Variants in ACTR3C observed in about 807,000 individuals in gnomAD.
The protein encoded by ACTR3C is actin-related protein 3C.
A neutral mutation model predicts 26.3 loss-of-function variants in ACTR3C; 18 were observed. The ratio of observed to expected loss-of-function variants is 0.68; its 90% CI spans 0.47 to 1.01. The LOEUF is 1.01. ACTR3C is among the 50% of genes least tolerant of loss of function. The probability of loss-of-function intolerance (pLI) is 0.00; values close to 1 mark genes in which losing one functional copy is unlikely to be tolerated. For synonymous variants in ACTR3C, 55 were observed against 94.5 expected, an observed-to-expected ratio of 0.58 and a Z score of 2.42; for missense variants, 184 against 250.7, an observed-to-expected ratio of 0.73 and a Z score of 1.80.
the ACTR3C span, among the ~76,000 whole-genome samples, chr7:150,038,018 C>G: frequency 7.4e-6 from 1 of 136,034 alleles, no homozygotes; most frequent in African/African-American, 2.9e-5. Context: ...TCCCCCCCTG[C>G]TATGGTGGTC....
the ACTR3C span, among the ~76,000 whole-genome samples, chr7:149,938,954 T>TA: frequency 0.82 from 120,658 of 146,416 alleles, 50,289 homozygotes; most frequent in Non-Finnish European, 0.9. Context: ...TGTATATATA[T>TA]AAAAATATAT....
Position 150,249,697 on chromosome 7 carries a change from C to T in ACTR3C, c.565-643G>A, listed in dbSNP as rs564230687. ...CTCGAACTCCTGACCTCAGGTGATCCGCCTGCCTCGGCCTCCCATTGTGCT... is the reference window on the plus strand; with the variant it reads ...CTCGAACTCCTGACCTCAGGTGATCTGCCTGCCTCGGCCTCCCATTGTGCT... On this transcript the variant is annotated intron_variant, in intron 6 of 7. Coordinates refer to ENST00000683684, the MANE Select transcript of ACTR3C (RefSeq NM_001164458.2). Among the ~76,000 whole-genome samples, 41 of 152,268 alleles carry T rather than the reference C, an allele frequency of 2.7e-4. No homozygotes were observed. In the South Asian group the frequency reaches 3.5e-3, roughly 13 times the overall value.
At chr7:149,929,370 C>G in the ACTR3C span, among the ~76,000 whole-genome samples, 2 of 124,428 alleles carry the variant, frequency 1.6e-5, no homozygotes, top group African/African-American at 6.0e-5. Context: ...AGAGGTTGCA[C>G]TGAGCAGAGA....
chr7:149,931,103 T>A, the ACTR3C span, among the ~76,000 whole-genome samples: 1 of 152,216 alleles, frequency 6.6e-6, no homozygotes, highest in Admixed American at 6.5e-5. Context: ...TGACCTCAGG[T>A]GATCCACCTG....
chr7:150,039,035 C>G, the ACTR3C span, among the ~76,000 whole-genome samples: 39 of 130,156 alleles, frequency 3.0e-4, no homozygotes, highest in Non-Finnish European at 5.3e-4. Context: ...CTCAGTAATC[C>G]CACGTAAGGT....
intron 6 of ACTR3C, among the ~76,000 whole-genome samples, chr7:150,253,155 C>A (rs548353911): frequency 4.6e-5 from 7 of 151,630 alleles, no homozygotes; most frequent in African/African-American, 1.2e-4. Flanking sequence ...GGTGGCAGAG[C>A]GGGCCCAACA....
At chr7:149,890,015 C>T in the ACTR3C span, among the ~76,000 whole-genome samples, 3 of 152,164 alleles carry the variant, frequency 2.0e-5, no homozygotes, top group African/African-American at 4.8e-5. Flanking sequence ...CTTTAATATA[C>T]ATTAAATACA....
At chr7:150,216,338 A>G in the ACTR3C span, among the ~76,000 whole-genome samples, 666 of 152,302 alleles carry the variant, frequency 4.4e-3, 18 homozygotes, top group East Asian at 0.1. Context: ...GATAATGCAT[A>G]CATTATATTC....
the ACTR3C span, among the ~76,000 whole-genome samples, chr7:150,197,003 C>A: frequency 6.6e-6 from 1 of 152,132 alleles, no homozygotes; most frequent in Non-Finnish European, 1.5e-5. Flanking sequence ...TTTTCATACA[C>A]CAGTTGCAAT....
At chr7:150,223,653 C>A in the ACTR3C span, among the ~76,000 whole-genome samples, 2 of 151,730 alleles carry the variant, frequency 1.3e-5, no homozygotes, top group South Asian at 2.1e-4. Flanking sequence ...CCTGAACTAA[C>A]GAGTTACAGC....
the ACTR3C span, among the ~76,000 whole-genome samples, chr7:149,913,364 C>G: frequency 6.6e-6 from 1 of 152,236 alleles, no homozygotes. Context: ...AGGCACTGTA[C>G]TAGTCACTGA....
At chr7:150,041,707 G>A in the ACTR3C span, among the ~76,000 whole-genome samples, 5 of 142,284 alleles carry the variant, frequency 3.5e-5, no homozygotes, top group East Asian at 2.2e-4. Flanking sequence ...CCCCACCCTC[G>A]CGGGGGGTGC....
At chr7:150,229,464 G>T in the ACTR3C span, among the ~76,000 whole-genome samples, 1 of 151,390 alleles carries the variant, frequency 6.6e-6, no homozygotes, top group East Asian at 1.9e-4. Context: ...TCTCTAACTT[G>T]TTGATGTAGC....
the ACTR3C span, among the ~76,000 whole-genome samples, chr7:150,066,570 ATG>A: frequency 6.6e-6 from 1 of 152,214 alleles, no homozygotes; most frequent in South Asian, 2.1e-4. Context: ...GTAGAAAAAT[ATG>A]TGTTATTTAG....
the ACTR3C span, among the ~76,000 whole-genome samples, chr7:149,952,519 T>C: frequency 2.1e-5 from 3 of 145,458 alleles, no homozygotes; most frequent in Non-Finnish European, 4.5e-5. Context: ...ATACCATAAA[T>C]CAAATTAAAG....
chr7:150,253,362 C>A (rs1440861601), intron 6 of ACTR3C, among the ~76,000 whole-genome samples: 1 of 152,178 alleles, frequency 6.6e-6, no homozygotes, highest in Non-Finnish European at 1.5e-5. Flanking sequence ...CCTCAAGTCT[C>A]CTGATGTCCA....
chr7:149,911,314 C>T, the ACTR3C span, among the ~76,000 whole-genome samples: 1 of 119,230 alleles, frequency 8.4e-6, no homozygotes, highest in African/African-American at 3.5e-5. Flanking sequence ...CAAGCTACCT[C>T]AGCTACTTCC....
the ACTR3C span, among the ~76,000 whole-genome samples, chr7:150,231,695 G>A: frequency 4.0e-5 from 6 of 151,472 alleles, no homozygotes; most frequent in Non-Finnish European, 7.4e-5. Context: ...TTCTGTTCCC[G>A]ATTTCTAGTT....
the ACTR3C span, among the ~76,000 whole-genome samples, chr7:150,102,894 C>A: frequency 1.3e-5 from 2 of 152,056 alleles, no homozygotes; most frequent in Admixed American, 6.6e-5. Flanking sequence ...CCTGCTATAA[C>A]CCCAGCACCC....
Sources: gnomAD v4.1 joint callset for allele counts (sites outside exome capture counted in the v4.1 genomes callset) on GRCh38, gnomAD v4.1.1 for gene constraint, MANE v1.5 for transcripts, NCBI Gene and HGNC (gene_info 2026-07-23, HGNC 2026-07-21) for gene names.